Variants in PDGFD observed in about 807,000 individuals in gnomAD.
PDGFD encodes platelet-derived growth factor D.
A neutral mutation model predicts 44.7 loss-of-function variants in PDGFD; 30 were observed. The observed-to-expected ratio is 0.67, with a 90% CI of 0.50 to 0.91. PDGFD has a LOEUF of 0.91. Among genes scored for constraint, PDGFD ranks in the 40% least tolerant of loss-of-function variants. PDGFD has a pLI of 0.00. For missense variants in PDGFD, 445 were observed against 457.8 expected, an observed-to-expected ratio of 0.97 and a Z score of 0.25; for synonymous variants, 173 against 168.4, an observed-to-expected ratio of 1.03 and a Z score of -0.21.
intron 1 of PDGFD, among the ~76,000 whole-genome samples, chr11:104,036,247 C>A (rs260803): frequency 0.031 from 4,672 of 151,910 alleles, 259 homozygotes; most frequent in African/African-American, 0.11. Flanking sequence ...GGAGGCCAGC[C>A]CGGACAACAC....
At chr11:103,956,958 T>C (rs972296114) in intron 3 of PDGFD, among the ~76,000 whole-genome samples, 1 of 152,296 alleles carries the variant, frequency 6.6e-6, no homozygotes, top group East Asian at 1.9e-4. Context: ...CTGGATATTA[T>C]CCCTTTGTCA....
chr11:104,049,534 T>A (rs918098275), intron 1 of PDGFD, among the ~76,000 whole-genome samples: 1 of 152,102 alleles, frequency 6.6e-6, no homozygotes, highest in Non-Finnish European at 1.5e-5. Flanking sequence ...GATTTTTTTT[T>A]AAGCTTTTTT....
chr11:103,976,165 A>T (rs1859181242), intron 3 of PDGFD, among the ~76,000 whole-genome samples: 1 of 151,936 alleles, frequency 6.6e-6, no homozygotes, highest in Admixed American at 6.6e-5. Flanking sequence ...GTCTTCTCTT[A>T]TTTCCTTAAG....
intron 1 of PDGFD, among the ~76,000 whole-genome samples, chr11:104,001,005 T>C (rs1039549247): frequency 2.6e-5 from 4 of 152,182 alleles, no homozygotes; most frequent in African/African-American, 9.7e-5. Context: ...TTTATGCTAA[T>C]GAAGTGACTC....
chr11:104,118,824 A>T (rs1254789062), intron 1 of PDGFD, among the ~76,000 whole-genome samples: 13 of 41,176 alleles, frequency 3.2e-4, no homozygotes, highest in Non-Finnish European at 5.8e-4. Context: ...ATTATATATT[A>T]TAAATATTAA....
intron 3 of PDGFD, among the ~76,000 whole-genome samples, chr11:103,949,054 G>A (rs980217663): frequency 9.8e-5 from 13 of 132,862 alleles, no homozygotes; most frequent in African/African-American, 3.7e-4. Context: ...CCAGGCTGGT[G>A]TGCAGTGGCG....
chr11:103,953,129 T>C (rs1858782971), intron 3 of PDGFD, among the ~76,000 whole-genome samples: 1 of 150,670 alleles, frequency 6.6e-6, no homozygotes, highest in Admixed American at 6.6e-5. Context: ...CGATACACCT[T>C]ATATAACATT....
intron 1 of PDGFD, among the ~76,000 whole-genome samples, chr11:104,057,862 C>G (rs1860646723): frequency 1.3e-5 from 2 of 151,802 alleles, no homozygotes; most frequent in South Asian, 4.2e-4. Context: ...GGAAAGAGAC[C>G]CATACATATA....
rs755903451 is a variant in PDGFD, at chr11:103,918,382, G to A, written c.987+8530C>T. 2.0e-5 allele frequency among the ~76,000 whole-genome samples: 3 copies of A among 152,304 alleles called. 1 individual carries two copies. Among genetic ancestry groups the A allele is most frequent in the South Asian group, 4.1e-4 (2 of 4,822 alleles). On this transcript the variant is annotated intron_variant, in intron 6 of 6. Coordinates refer to ENST00000393158, the MANE Select transcript of PDGFD (RefSeq NM_025208.5). ...AGAGATTTGAGAACTAGGGGATGCA[G>A]GAGAGGGAAATTATTTCTAAGAAGC...
intron 1 of PDGFD, among the ~76,000 whole-genome samples, chr11:104,040,655 A>T (rs1429577021): frequency 2.0e-5 from 3 of 151,984 alleles, no homozygotes; most frequent in Non-Finnish European, 4.4e-5. Context: ...CATTTTGCAG[A>T]TGGAAAATTT....
chr11:103,936,694 C>G (rs1384692063), intron 5 of PDGFD, among the ~76,000 whole-genome samples: 1 of 152,080 alleles, frequency 6.6e-6, no homozygotes, highest in Admixed American at 6.6e-5. Context: ...GGTAACTGTT[C>G]CACAGTTGTA....
At chr11:104,128,492 T>G (rs147407911) in intron 1 of PDGFD, among the ~76,000 whole-genome samples, 6 of 152,250 alleles carry the variant, frequency 3.9e-5, no homozygotes, top group Non-Finnish European at 8.8e-5. Flanking sequence ...GCTGAGACCC[T>G]CTAGACACAT....
intron 1 of PDGFD, among the ~76,000 whole-genome samples, chr11:104,077,213 C>T (rs1027615567): frequency 6.6e-6 from 1 of 152,092 alleles, no homozygotes; most frequent in Non-Finnish European, 1.5e-5. Flanking sequence ...AAGGGTAGAT[C>T]TCAATGTGAA....
chr11:104,038,106 C>A, intron 1 of PDGFD: 1 of 1,285,830 alleles, frequency 7.8e-7, no homozygotes, highest in Non-Finnish European at 1.1e-6. Flanking sequence ...CATTAAAAAA[C>A]ATCAGTAACA....
At chr11:104,047,966 T>C (rs184440840) in intron 1 of PDGFD, among the ~76,000 whole-genome samples, 84 of 152,250 alleles carry the variant, frequency 5.5e-4, no homozygotes, top group African/African-American at 1.9e-3. Context: ...ATATCTTTGA[T>C]AGTGATGAAA....
In PDGFD at chr11:104,139,764, G is replaced by A. The variant is rs1344970528; in HGVS notation, c.124+24040C>T. On this transcript the variant is annotated intron_variant, in intron 1 of 6. Transcript: ENST00000393158. The stretch of plus-strand genomic sequence containing the variant: ...ATGTCTTAATAAATAACGGCCGGGC[G>A]CGGTGGCTCACGCCTGTAATCCCAG... Among the ~76,000 whole-genome samples, 14 of 19,846 alleles carry A rather than the reference G, an allele frequency of 7.1e-4. 4 individuals are homozygous for A. Among genetic ancestry groups the A allele is most frequent in the African/African-American group, 3.2e-3 (6 of 1,878 alleles). The allele number at this position is 19,846 out of a possible 152,430, so 13.0% of individuals were successfully genotyped here.
At chr11:104,032,639 T>A (rs543201204) in intron 1 of PDGFD, among the ~76,000 whole-genome samples, 38 of 151,300 alleles carry the variant, frequency 2.5e-4, no homozygotes, top group African/African-American at 8.3e-4. Context: ...CCATCAGTTA[T>A]GTGGATTTTT....
chr11:103,969,474 GT>G (rs66571550), intron 3 of PDGFD, among the ~76,000 whole-genome samples: 24,241 of 89,302 alleles, frequency 0.27, 2,478 homozygotes, highest in Admixed American at 0.42. Context: ...ACCAAGCCTG[GT>G]TTTTTTTTTT....
chr11:104,157,723 A>G (rs1312708966), intron 1 of PDGFD, among the ~76,000 whole-genome samples: 1 of 152,210 alleles, frequency 6.6e-6, no homozygotes, highest in Non-Finnish European at 1.5e-5. Flanking sequence ...CCTAATATAT[A>G]CAATATGATT....
Sources: allele counts gnomAD v4.1 joint callset (sites outside exome capture counted in the v4.1 genomes callset), GRCh38; gene constraint gnomAD v4.1.1; transcripts MANE v1.5; gene names NCBI Gene and HGNC (gene_info 2026-07-23, HGNC 2026-07-21).